The following ZNF366 variants were observed in gnomAD, a reference collection of about 807,000 sequenced individuals.
ZNF366 encodes dendritic cell-specific transcript protein.
Under a neutral mutation model 47.2 loss-of-function variants are expected in ZNF366, and 20 were observed. The ratio of observed to expected loss-of-function variants is 0.42; its 90% CI spans 0.30 to 0.62. ZNF366 has a LOEUF of 0.62. ZNF366 is among the 20% of genes least tolerant of loss of function. The pLI is 0.16. For missense variants in ZNF366, 987 were observed against 976.3 expected (o/e 1.01, Z -0.15); for synonymous variants, 421 against 395.1 (o/e 1.07, Z -0.78).
chr5:72,449,666 T>G (rs1321585357), intron 3 of ZNF366, among the ~76,000 whole-genome samples: 1 of 152,240 alleles, frequency 6.6e-6, no homozygotes, highest in Non-Finnish European at 1.5e-5. Flanking sequence ...CTGTTACAAT[T>G]GCTGAGTATA....
chr5:72,477,361 G>A (rs904946955), intron 1 of ZNF366, among the ~76,000 whole-genome samples: 2 of 152,194 alleles, frequency 1.3e-5, no homozygotes, highest in African/African-American at 4.8e-5. Context: ...AGGAATGGGA[G>A]GATATGCTTT....
At chr5:72,504,485 G>A (rs1354687005) in intron 1 of ZNF366, among the ~76,000 whole-genome samples, 1 of 152,142 alleles carries the variant, frequency 6.6e-6, no homozygotes, top group Non-Finnish European at 1.5e-5. Context: ...GTTGAATACA[G>A]CTGCATTCAG....
intron 3 of ZNF366, among the ~76,000 whole-genome samples, chr5:72,455,708 C>G (rs1743169772): frequency 6.6e-6 from 1 of 152,204 alleles, no homozygotes; most frequent in African/African-American, 2.4e-5. Context: ...TGATGAAATA[C>G]AAACCCAACC....
intron 1 of ZNF366, among the ~76,000 whole-genome samples, chr5:72,489,943 T>C (rs1158962247): frequency 6.6e-6 from 1 of 152,230 alleles, no homozygotes; most frequent in East Asian, 1.9e-4. Flanking sequence ...AGGCATCTCA[T>C]GGGGACACAT....
chr5:72,459,661 T>C (rs1245913870), intron 2 of ZNF366, among the ~76,000 whole-genome samples: 1 of 152,206 alleles, frequency 6.6e-6, no homozygotes, highest in South Asian at 2.1e-4. Context: ...CTGCTTCCCT[T>C]GGAGAACTTG....
chr5:72,448,008 C>A (rs566737602), intron 3 of ZNF366, among the ~76,000 whole-genome samples: 1 of 152,100 alleles, frequency 6.6e-6, no homozygotes. Context: ...CCATACTGTG[C>A]GTCTCCCAAC....
intron 1 of ZNF366, among the ~76,000 whole-genome samples, chr5:72,502,303 T>C (rs1237489953): frequency 1.3e-5 from 2 of 152,228 alleles, no homozygotes; most frequent in Non-Finnish European, 2.9e-5. Flanking sequence ...TAAATACCAT[T>C]GTTTTATGTA....
chr5:72,478,204 T>C (rs1743713695), intron 1 of ZNF366, among the ~76,000 whole-genome samples: 1 of 148,228 alleles, frequency 6.7e-6, no homozygotes, highest in Non-Finnish European at 1.5e-5. Flanking sequence ...ATGCAATGTC[T>C]GCTCTGTGCC....
At chr5:72,475,087 A>G (rs377618189) in intron 1 of ZNF366, among the ~76,000 whole-genome samples, 1 of 152,210 alleles carries the variant, frequency 6.6e-6, no homozygotes, top group Middle Eastern at 3.2e-3. Flanking sequence ...AGGAGGCTCA[A>G]TGTTGCTTAC....
At position 72,444,346 on chromosome 5, in the gene ZNF366, C is replaced by T. The variant is rs114000407; in HGVS notation, c.1700-55G>A. ...CTGAGGAAATGCTGTGGAAATGGGA[C>T]CTTGAGGAAGGGGAGCAGCCCGGGG... On this transcript the variant is annotated intron_variant, in intron 4 of 4. Transcript: ENST00000318442. 4,576 of 1,545,458 alleles carry T rather than the reference C, an allele frequency of 3.0e-3. 22 individuals carry two copies. The highest frequency in any genetic ancestry group is 3.6e-3 in the Non-Finnish European group (4,093 of 1,147,362).
Position 72,450,121 on chromosome 5 carries a change from C to T in ZNF366, c.1525-2704G>A, listed in dbSNP as rs139613320. Among the ~76,000 whole-genome samples, 323 of 152,294 alleles carry T rather than the reference C, an allele frequency of 2.1e-3. 11 individuals carry two copies. Among genetic ancestry groups the T allele is most frequent in the Admixed American group, 0.019 (285 of 15,296 alleles). On this transcript the variant is annotated intron_variant, in intron 3 of 4. Transcript: ENST00000318442. ...TTTGGAAAGGGGATGGAATTTTAGC[C>T]TAACTGTGAAAAATGTGTAGAGTGC... is the stretch of plus-strand genomic sequence containing the variant.
chr5:72,483,996 C>G (rs1399082601), intron 1 of ZNF366, among the ~76,000 whole-genome samples: 1 of 152,170 alleles, frequency 6.6e-6, no homozygotes, highest in African/African-American at 2.4e-5. Context: ...TGTCCTTATA[C>G]TTAGTTTCAA....
At chr5:72,451,697 A>G (rs1743074002) in intron 3 of ZNF366, among the ~76,000 whole-genome samples, 1 of 152,232 alleles carries the variant, frequency 6.6e-6, no homozygotes, top group Non-Finnish European at 1.5e-5. Flanking sequence ...TGCTTAGTAA[A>G]TATACCCACC....
At chr5:72,471,472 A>G (rs1743561932) in intron 1 of ZNF366, among the ~76,000 whole-genome samples, 1 of 152,222 alleles carries the variant, frequency 6.6e-6, no homozygotes, top group African/African-American at 2.4e-5. Flanking sequence ...AGAAGGAAAT[A>G]GAAGAATCTG....
At chr5:72,477,627 G>A in intron 1 of ZNF366, among the ~76,000 whole-genome samples, 1 of 152,170 alleles carries the variant, frequency 6.6e-6, no homozygotes, top group East Asian at 1.9e-4. Context: ...CTTTTATATG[G>A]AGTCTATGGT....
chr5:72,482,547 T>G (rs1011770973), intron 1 of ZNF366, among the ~76,000 whole-genome samples: 1 of 152,168 alleles, frequency 6.6e-6, no homozygotes, highest in Admixed American at 6.5e-5. Context: ...GCCCTAAAGA[T>G]TGAATATTCT....
Position 72,460,890 on chromosome 5 carries a change from A to T in ZNF366, c.607T>A (p.Phe203Ile). The change falls in exon 2 of 5, where the codon TTC (phenylalanine) becomes ATC (isoleucine). Residue 203 changes from phenylalanine to isoleucine, a missense_variant. By Grantham distance (21) the Phe-to-Ile change is conservative. This residue lies in a region of ZNF366 where 591 missense variants were observed against 560.9 expected (regional missense o/e 1.05). Transcript: ENST00000318442. ...SSPFPFSRHT[F>I]LPKQPPEPLL... ...GGTTCCGGGGGCTGCTTGGGCAGGAAGGTGTGCCGGCTGAAGGGGAAGGGC... is the reference window on the plus strand; with the variant it reads ...GGTTCCGGGGGCTGCTTGGGCAGGATGGTGTGCCGGCTGAAGGGGAAGGGC... 1.2e-6 allele frequency: 2 copies of T among 1,613,436 alleles called. No individual in the cohort carries two copies. The highest frequency in any genetic ancestry group is 1.7e-6 in the Non-Finnish European group (2 of 1,179,578).
In ZNF366 at chr5:72,461,293, G is replaced by T; in HGVS notation, c.204C>A (p.Pro68=). Residue 68 remains proline, a synonymous_variant, in exon 2 of 5, where the codon CCC becomes CCA. Coordinates refer to ENST00000318442, the MANE Select transcript of ZNF366 (RefSeq NM_152625.3). ...EPPPGDLDGF[P]GVFEGAGSRK... is the part of the protein sequence containing the mutation. The stretch of plus-strand genomic sequence containing the variant: ...TAGACCCTGCTCCTTCGAAGACCCC[G>T]GGGAACCCATCTAGGTCTCCTGGGG... 4 of 1,614,038 alleles carry T rather than the reference G, an allele frequency of 2.5e-6. No homozygotes were observed. The highest frequency in any genetic ancestry group is 2.2e-5 in the East Asian group (1 of 44,844).
chr5:72,449,155 A>C (rs545344206), intron 3 of ZNF366, among the ~76,000 whole-genome samples: 1 of 152,336 alleles, frequency 6.6e-6, no homozygotes, highest in South Asian at 2.1e-4. Context: ...AAGATGTATC[A>C]ATCTGTGGCT....
Sources: gnomAD v4.1 joint callset for allele counts (sites outside exome capture counted in the v4.1 genomes callset) on GRCh38, gnomAD v4.1.1 for gene constraint, gnomAD v4.1.1 regional missense constraint, MANE v1.5 for transcripts, NCBI Gene and HGNC (gene_info 2026-07-23, HGNC 2026-07-21) for gene names.